The following AARSD1 variants were observed in gnomAD, a reference collection of about 807,000 sequenced individuals.
AARSD1 encodes alanyl-tRNA editing protein Aarsd1.
In AARSD1, 44 loss-of-function variants were observed where a neutral mutation model predicts 48.7. That is an observed-to-expected ratio of 0.90 (90% CI 0.71 to 1.16). The LOEUF (loss-of-function observed/expected upper bound fraction) is 1.16, where lower values mean the gene tolerates loss of function less well. Among genes scored for constraint, AARSD1 ranks in the 50% most tolerant of loss-of-function variants. The probability of loss-of-function intolerance (pLI) is 0.00; values close to 1 mark genes in which losing one functional copy is unlikely to be tolerated. For missense variants in AARSD1, 511 were observed against 523.1 expected, an observed-to-expected ratio of 0.98 and a Z score of 0.23; for synonymous variants, 189 against 194.9, an observed-to-expected ratio of 0.97 and a Z score of 0.25.
chr17:42,952,497 G>A (rs933296580), intron 10 of AARSD1, among the ~76,000 whole-genome samples: 1 of 152,112 alleles, frequency 6.6e-6, no homozygotes, highest in Non-Finnish European at 1.5e-5. Context: ...TCCAAAGAAG[G>A]GTTCTGGAGT....
At position 42,956,338 on chromosome 17, in the gene AARSD1, G is replaced by A. The variant is rs771796823; in HGVS notation, c.547-18C>T. 1 of 1,614,154 alleles carries A rather than the reference G, an allele frequency of 6.2e-7. No homozygotes were observed. The highest frequency in any genetic ancestry group is 1.1e-5 in the South Asian group (1 of 91,074). The stretch of plus-strand genomic sequence containing the variant: ...CCACTCACCTGGACTCAAGGAGAGG[G>A]GAGGGACTGTCTGAATCTGATGAGG... On this transcript the variant is annotated intron_variant, in intron 5 of 11. Coordinates refer to ENST00000427569, the MANE Select transcript of AARSD1 (RefSeq NM_001261434.2).
chr17:42,955,768 A>C, intron 7 of AARSD1, 74 bp downstream of exon 7: 2 of 1,594,644 alleles, frequency 1.3e-6, no homozygotes, highest in African/African-American at 1.3e-5. Flanking sequence ...ATTGCATCTT[A>C]TCTCCCAGAG....
intron 3 of AARSD1, among the ~76,000 whole-genome samples, chr17:42,959,196 C>CA (rs1196945159): frequency 0.32 from 18,940 of 59,496 alleles, 2,680 homozygotes; most frequent in African/African-American, 0.36. Flanking sequence ...GACTTTGTCT[C>CA]AAAAAAAAAA....
intron 3 of AARSD1, among the ~76,000 whole-genome samples, chr17:42,958,422 G>A (rs1034545704): frequency 3.3e-5 from 5 of 151,760 alleles, no homozygotes; most frequent in Middle Eastern, 3.4e-3. Context: ...AATCCCAGGG[G>A]TGGAAGTTGC....
Position 42,950,649 on chromosome 17 carries a change from T to G in AARSD1, c.1183A>C (p.Met395Leu), listed in dbSNP as rs752920463. The G allele has an allele frequency of 3.7e-6, 6 of 1,613,932 alleles. No individual in the cohort carries two copies. The highest frequency in any genetic ancestry group is 3.3e-5 in the Admixed American group (2 of 59,976). ...TCCTGGAGAAGCGCCTGCGCCTCCA[T>G]CCGCCGGCTCATCTTGGTGGCCTTG... is the stretch of plus-strand genomic sequence containing the variant. ...QGKATKMSRRMEAQALLQDYI... is the reference protein window; with the variant it reads ...QGKATKMSRRLEAQALLQDYI... The change falls in exon 12 of 12, where the codon ATG (methionine) becomes CTG (leucine). Residue 395 changes from methionine to leucine, a missense_variant. Coordinates refer to ENST00000427569, the MANE Select transcript of AARSD1 (RefSeq NM_001261434.2).
rs75434966 is a variant in AARSD1 at position 42,954,911 on chromosome 17, G to A, written c.918C>T (p.Asn306=). 4,327 of 1,614,108 alleles carry A rather than the reference G, an allele frequency of 2.7e-3. 7 individuals are homozygous for A. The highest frequency in any genetic ancestry group is 3.2e-3 in the Non-Finnish European group (3,810 of 1,180,000). ...TGACCACACCTCCCCAGTCTGGACT[G>A]TTCCTGAGGCTATGGGCAATGTGCA... ...LAVHIAHSLR[N]SPDWGGVVIL... is the part of the protein sequence containing the mutation. The change falls in exon 9 of 12, where the codon AAC becomes AAT. Residue 306 remains asparagine, a synonymous_variant. Coordinates refer to ENST00000427569, the MANE Select transcript of AARSD1 (RefSeq NM_001261434.2).
chr17:42,951,562 C>G (rs1271051065), intron 11 of AARSD1, among the ~76,000 whole-genome samples: 1 of 152,028 alleles, frequency 6.6e-6, no homozygotes, highest in Admixed American at 6.6e-5. Flanking sequence ...AAAACAAAAA[C>G]AAACACATTT....
chr17:42,960,994 C>T, intron 3 of AARSD1, 198 bp downstream of exon 3: 1 of 884,628 alleles, frequency 1.1e-6, no homozygotes, highest in Non-Finnish European at 1.6e-6. Context: ...AGCAGTTATT[C>T]TAATACTTTT....
At chr17:42,961,450 C>A in intron 2 of AARSD1, 99 bp from the exon 3 acceptor site, 1 of 1,549,654 alleles carries the variant, frequency 6.5e-7, no homozygotes, top group Non-Finnish European at 8.7e-7. Context: ...AATCTGGGCT[C>A]CCTAAGGGAG....
In AARSD1 at chr17:42,956,391, G is replaced by C. The variant is rs1458559910; in HGVS notation, c.546+13C>G. On this transcript the variant is annotated intron_variant, in intron 5 of 11. Coordinates refer to ENST00000427569, the MANE Select transcript of AARSD1 (RefSeq NM_001261434.2). ...TCATTCCGCAGAAACCATCCCTCTG[G>C]CTCTACCCTTACCTGCTCCACCTCA... 3 of 1,613,846 alleles carry C rather than the reference G, an allele frequency of 1.9e-6. No homozygotes were observed. Among genetic ancestry groups the C allele is most frequent in the Non-Finnish European group, 2.5e-6 (3 of 1,179,998 alleles).
rs142793488 is a variant in AARSD1, at chr17:42,957,181, T to C, written c.346A>G (p.Thr116Ala). Residue 116 changes from threonine (T) to alanine (A), a missense_variant, in exon 4 of 12, where the codon ACG becomes GCG. Physicochemically the swap from Thr to Ala is moderately conservative, Grantham distance 58. Coordinates refer to ENST00000427569, the MANE Select transcript of AARSD1 (RefSeq NM_001261434.2). ...TTAAATAGATGGTCAGCAACTGCCGTGATGAGATGCTGCCCTAAGCAAAGA... is the reference window on the plus strand; with the variant it reads ...TTAAATAGATGGTCAGCAACTGCCGCGATGAGATGCTGCCCTAAGCAAAGA... ...MQQHSGQHLI[T>A]AVADHLFKLK... The C allele has an allele frequency of 2.1e-5, 34 of 1,613,664 alleles. No homozygotes were observed. In the African/African-American group the frequency reaches 4.4e-4, roughly 21 times the overall value.
At chr17:42,960,036 C>T (rs1196006467) in intron 3 of AARSD1, among the ~76,000 whole-genome samples, 4 of 151,788 alleles carry the variant, frequency 2.6e-5, no homozygotes, top group African/African-American at 9.7e-5. Flanking sequence ...ATTGAGAAGC[C>T]GAGGCGGGCG....
intron 7 of AARSD1, 191 bp downstream of exon 7, chr17:42,955,651 C>T: frequency 1.2e-6 from 1 of 856,534 alleles, no homozygotes; most frequent in Non-Finnish European, 1.7e-6. Flanking sequence ...CGGTGTTAGC[C>T]AGGAAGGTCT....
intron 8 of AARSD1, 46 bp downstream of exon 8, chr17:42,955,112 C>A: frequency 1.2e-6 from 2 of 1,613,758 alleles, no homozygotes; most frequent in Admixed American, 1.7e-5. Flanking sequence ...CAGAGCCTAT[C>A]CTAGGCAGGG....
chr17:42,955,101 G>A (rs2049529328), intron 8 of AARSD1, 57 bp downstream of exon 8: 3 of 1,613,432 alleles, frequency 1.9e-6, no homozygotes, highest in Non-Finnish European at 2.5e-6. Flanking sequence ...GACCAAGTCT[G>A]CAGAGCCTAT....
At position 42,957,205 on chromosome 17, in the gene AARSD1, G is replaced by C; in HGVS notation, c.332-10C>G. ...GTGATGAGATGCTGCCCTAAGCAAA[G>C]AGAGCCAGAGACAGGAGAAAAGTGA... On this transcript the variant is annotated splice_polypyrimidine_tract_variant and intron_variant, in intron 3 of 11. Coordinates refer to ENST00000427569, the MANE Select transcript of AARSD1 (RefSeq NM_001261434.2). 1 of 1,613,514 alleles carries C rather than the reference G, an allele frequency of 6.2e-7. No individual in the cohort carries two copies. The highest frequency in any genetic ancestry group is 8.5e-7 in the Non-Finnish European group (1 of 1,179,740).
intron 2 of AARSD1, among the ~76,000 whole-genome samples, chr17:42,963,370 C>G (rs763471987): frequency 1.3e-5 from 2 of 150,850 alleles, no homozygotes; most frequent in African/African-American, 4.9e-5. Flanking sequence ...TGCCACTGCA[C>G]TTCAGCCTGA....
At chr17:42,957,308 G>A in intron 3 of AARSD1, 113 bp from the exon 4 acceptor site, 2 of 1,357,266 alleles carry the variant, frequency 1.5e-6, no homozygotes, top group Non-Finnish European at 2.0e-6. Flanking sequence ...TTGAAGACCT[G>A]CTAAGCACTG....
intron 1 of AARSD1, 21 bp downstream of exon 1, chr17:42,964,381 T>C: frequency 6.4e-7 from 1 of 1,555,094 alleles, no homozygotes; most frequent in South Asian, 1.2e-5. Context: ...CAGTCTCAAG[T>C]GCCTCGCCGT....
Sources: allele counts gnomAD v4.1 joint callset (sites outside exome capture counted in the v4.1 genomes callset), GRCh38; gene constraint gnomAD v4.1.1; transcripts MANE v1.5; gene names NCBI Gene and HGNC (gene_info 2026-07-23, HGNC 2026-07-21).